Variants in RORA observed in about 807,000 individuals in gnomAD.
RORA encodes RAR related orphan receptor A.
Under a neutral mutation model 69.5 loss-of-function variants are expected in RORA, and 7 were observed. The ratio of observed to expected loss-of-function variants is 0.10; its 90% CI spans 0.06 to 0.19. The LOEUF (loss-of-function observed/expected upper bound fraction) is 0.19. Ranked by LOEUF, RORA falls within the 10% of genes least tolerant of loss-of-function variation. The pLI is 1.00. For synonymous variants in RORA, 261 were observed against 240.8 expected (o/e 1.08, Z -0.78); for missense variants, 457 against 663.0 (o/e 0.69, Z 3.41).
chr15:60,702,359 G>A (rs540681163), intron 1 of RORA, among the ~76,000 whole-genome samples: 13 of 152,200 alleles, frequency 8.5e-5, no homozygotes, highest in African/African-American at 3.1e-4. Flanking sequence ...AGCCTCCCGA[G>A]TAGCTGGGAT....
chr15:61,030,141 G>A (rs968183563), intron 1 of RORA, among the ~76,000 whole-genome samples: 4 of 152,126 alleles, frequency 2.6e-5, no homozygotes, highest in African/African-American at 2.4e-5. Flanking sequence ...TCAAGGAAAC[G>A]CTAAGGAAGT....
At chr15:60,753,993 C>T (rs1293315397) in intron 1 of RORA, among the ~76,000 whole-genome samples, 4 of 152,198 alleles carry the variant, frequency 2.6e-5, no homozygotes, top group Non-Finnish European at 5.9e-5. Flanking sequence ...GACCCAGACC[C>T]GGAACACTGG....
intron 2 of RORA, among the ~76,000 whole-genome samples, chr15:60,648,644 A>T (rs1008073926): frequency 6.6e-6 from 1 of 152,216 alleles, no homozygotes; most frequent in African/African-American, 2.4e-5. Context: ...TCTGATCTTA[A>T]CAATCCTCTG....
At chr15:61,016,688 G>A (rs1045892059) in intron 1 of RORA, among the ~76,000 whole-genome samples, 2 of 152,100 alleles carry the variant, frequency 1.3e-5, no homozygotes, top group East Asian at 1.9e-4. Flanking sequence ...GAATCTGCCC[G>A]GAGGTTTCGC....
chr15:60,699,992 T>C (rs1455857834), intron 1 of RORA, among the ~76,000 whole-genome samples: 14 of 152,180 alleles, frequency 9.2e-5, no homozygotes, highest in Admixed American at 7.9e-4. Context: ...TTCCACTAGT[T>C]TTCTGTTTTT....
intron 2 of RORA, among the ~76,000 whole-genome samples, chr15:60,596,955 T>C (rs2068679614): frequency 6.6e-6 from 1 of 152,152 alleles, no homozygotes; most frequent in African/African-American, 2.4e-5. Flanking sequence ...ATGCTGACAC[T>C]GTGATGGATA....
At chr15:60,603,872 C>T (rs1374922991) in intron 2 of RORA, among the ~76,000 whole-genome samples, 2 of 152,076 alleles carry the variant, frequency 1.3e-5, no homozygotes, top group Non-Finnish European at 2.9e-5. Context: ...TGGTGGCTCA[C>T]GCCTGTAATC....
chr15:61,227,034 G>A (rs2080151369), intron 1 of RORA, among the ~76,000 whole-genome samples: 2 of 152,084 alleles, frequency 1.3e-5, no homozygotes, highest in Admixed American at 6.6e-5. Context: ...AGCAAGTTAC[G>A]GATTTGCTAG....
intron 1 of RORA, among the ~76,000 whole-genome samples, chr15:61,109,399 G>A (rs1390929613): frequency 6.6e-6 from 1 of 152,032 alleles, no homozygotes; most frequent in Non-Finnish European, 1.5e-5. Flanking sequence ...CTCCCATAAA[G>A]GCCACGGGAT....
Position 60,493,905 on chromosome 15 carries a change from T to G in RORA, c.*3550A>C, listed in dbSNP as rs1241856945. 6.6e-6 allele frequency: 1 copy of G among 151,562 alleles called. No individual in the cohort carries two copies. The highest frequency in any genetic ancestry group is 1.5e-5 in the Non-Finnish European group (1 of 67,942). 9.4% of individuals were successfully genotyped at this position (151,562 alleles called of 1,614,324 possible). ...CATTTTCTTTTCCATTGACACTTAG[T>G]AGCCTAGAAGCGGTCCGACGCACAC... On this transcript the variant is annotated 3_prime_UTR_variant, in exon 11 of 11. Coordinates refer to ENST00000335670, the MANE Select transcript of RORA (RefSeq NM_134261.3).
At chr15:60,787,211 C>G (rs1396211937) in intron 1 of RORA, among the ~76,000 whole-genome samples, 2 of 152,224 alleles carry the variant, frequency 1.3e-5, no homozygotes, top group Non-Finnish European at 2.9e-5. Flanking sequence ...GGCCCTGTTA[C>G]TGCTCAAGCA....
chr15:60,899,167 G>A (rs1891315825), intron 1 of RORA, among the ~76,000 whole-genome samples: 1 of 152,210 alleles, frequency 6.6e-6, no homozygotes, highest in Non-Finnish European at 1.5e-5. Flanking sequence ...TTTTACACAT[G>A]TCATTTTCCA....
At chr15:61,167,482 A>ATTTTTTTTTTTTTTTTTT (rs199752865) in intron 1 of RORA, among the ~76,000 whole-genome samples, 2 of 133,682 alleles carry the variant, frequency 1.5e-5, no homozygotes, top group East Asian at 2.6e-4. Flanking sequence ...TTTGACCAGG[A>ATTTTTTTTTTTTTTTTTT]TTTTTTTTTT....
At chr15:60,866,038 T>C (rs887895822) in intron 1 of RORA, among the ~76,000 whole-genome samples, 1 of 152,196 alleles carries the variant, frequency 6.6e-6, no homozygotes, top group African/African-American at 2.4e-5. Context: ...TTTACCATTT[T>C]TCTGTGTTAG....
At chr15:60,757,570 C>A (rs746354276) in intron 1 of RORA, among the ~76,000 whole-genome samples, 16 of 152,168 alleles carry the variant, frequency 1.1e-4, no homozygotes, top group Non-Finnish European at 2.2e-4. Flanking sequence ...GCTGACCAAC[C>A]ATGCTACAGT....
intron 1 of RORA, among the ~76,000 whole-genome samples, chr15:60,680,346 G>A (rs181606521): frequency 1.3e-5 from 2 of 152,242 alleles, no homozygotes; most frequent in African/African-American, 4.8e-5. Flanking sequence ...GCTGAGTGTG[G>A]AACTATTTTC....
chr15:60,998,402 C>CTTT (rs35933156), intron 1 of RORA, among the ~76,000 whole-genome samples: 1 of 146,620 alleles, frequency 6.8e-6, no homozygotes, highest in Non-Finnish European at 1.5e-5. Flanking sequence ...ATATTTCTTT[C>CTTT]TTTTTTTTTT....
At chr15:60,867,875 G>A (rs756531534) in intron 1 of RORA, among the ~76,000 whole-genome samples, 28 of 151,994 alleles carry the variant, frequency 1.8e-4, no homozygotes, top group Non-Finnish European at 3.2e-4. Context: ...GGTGAAATAC[G>A]AAATAAATTG....
rs1356278765 is a variant in RORA at position 61,095,565 on chromosome 15, T to C, written c.166+133488A>G. 3.9e-5 allele frequency among the ~76,000 whole-genome samples: 6 copies of C among 152,214 alleles called. No individual in the cohort carries two copies. In the East Asian group the frequency reaches 1.2e-3, roughly 29 times the overall value. On this transcript the variant is annotated intron_variant, in intron 1 of 10. Coordinates refer to ENST00000335670, the MANE Select transcript of RORA (RefSeq NM_134261.3). ...CTGCGGGCTGGGCCCTGGTGACAAATGCTTTCTCCAATCTTATGGAGAATG... is the reference window on the plus strand; with the variant it reads ...CTGCGGGCTGGGCCCTGGTGACAAACGCTTTCTCCAATCTTATGGAGAATG...
Sources: allele counts gnomAD v4.1 joint callset (sites outside exome capture counted in the v4.1 genomes callset), GRCh38; gene constraint gnomAD v4.1.1; transcripts MANE v1.5; gene names NCBI Gene and HGNC (gene_info 2026-07-23, HGNC 2026-07-21).